Variants in GRIK4 observed in about 807,000 individuals in gnomAD.
GRIK4 encodes the protein glutamate ionotropic receptor kainate type subunit 4, also known as glutamate receptor ionotropic, kainate 4.
In GRIK4, 40 loss-of-function variants were observed where a neutral mutation model predicts 104.9. The ratio of observed to expected loss-of-function variants is 0.38; its 90% CI spans 0.30 to 0.50. GRIK4 has a LOEUF of 0.50. Ranked by LOEUF, GRIK4 falls within the 20% of genes least tolerant of loss-of-function variation. The pLI is 0.93. For synonymous variants in GRIK4, 485 were observed against 524.9 expected, an observed-to-expected ratio of 0.92 and a Z score of 1.04; for missense variants, 1,047 against 1,308.1, an observed-to-expected ratio of 0.80 and a Z score of 3.08.
chr11:120,875,009 G>A (rs1401138889), intron 10 of GRIK4, 130 bp from the exon 11 acceptor site: 8 of 660,120 alleles, frequency 1.2e-5, no homozygotes, highest in Non-Finnish European at 1.9e-5. Flanking sequence ...GCTGTGTGTG[G>A]GCAGGAGAAG....
At chr11:120,863,532 G>A (rs1257824905) in intron 9 of GRIK4, among the ~76,000 whole-genome samples, 2 of 152,166 alleles carry the variant, frequency 1.3e-5, no homozygotes, top group Non-Finnish European at 2.9e-5. Flanking sequence ...TTTGTTGAAT[G>A]AATGAGTGAG....
chr11:120,946,156 A>T (rs1212659924), intron 14 of GRIK4, among the ~76,000 whole-genome samples: 1 of 152,206 alleles, frequency 6.6e-6, no homozygotes, highest in African/African-American at 2.4e-5. Context: ...TTTCTATTTG[A>T]CGTTAGAGTA....
chr11:120,862,531 C>T (rs532784037), intron 9 of GRIK4, among the ~76,000 whole-genome samples: 10 of 152,230 alleles, frequency 6.6e-5, no homozygotes, highest in African/African-American at 1.9e-4. Flanking sequence ...ATGTGGGGGT[C>T]TTGTTCAAGG....
At chr11:120,545,915 G>C (rs1247944344) in intron 1 of GRIK4, among the ~76,000 whole-genome samples, 1 of 152,198 alleles carries the variant, frequency 6.6e-6, no homozygotes, top group African/African-American at 2.4e-5. Flanking sequence ...TTTTCAGACA[G>C]AGCCAAGGGT....
Position 120,956,042 on chromosome 11 carries a change from C to G in GRIK4, c.1701-738C>G, listed in dbSNP as rs1944139081. Among the ~76,000 whole-genome samples the G allele has an allele frequency of 6.6e-6, 1 of 152,082 alleles. No individual in the cohort carries two copies. Among genetic ancestry groups the G allele is most frequent in the Non-Finnish European group, 1.5e-5 (1 of 68,002 alleles). ...ACCGGCTTGGTGGTTCTGAGGTAGGCTAAGGCTGGAGGGCCACTGCTCTAG... is the reference window on the plus strand; with the variant it reads ...ACCGGCTTGGTGGTTCTGAGGTAGGGTAAGGCTGGAGGGCCACTGCTCTAG... On this transcript the variant is annotated intron_variant, in intron 15 of 20. Transcript: ENST00000527524. This position sits in a 1 kb window ranked among gnomAD's most constrained non-coding sequence, Gnocchi z 4.6.
At chr11:120,843,305 G>C (rs956143617) in intron 8 of GRIK4, among the ~76,000 whole-genome samples, 2 of 152,234 alleles carry the variant, frequency 1.3e-5, no homozygotes, top group African/African-American at 4.8e-5. Context: ...CTATTTGTGG[G>C]GTGTCAACAG....
chr11:120,888,271 A>G (rs1417039322), intron 11 of GRIK4, among the ~76,000 whole-genome samples: 1 of 152,050 alleles, frequency 6.6e-6, no homozygotes, highest in Non-Finnish European at 1.5e-5. Context: ...ATCTATATCT[A>G]TCTAGTAGCA....
intron 1 of GRIK4, among the ~76,000 whole-genome samples, chr11:120,554,622 G>T (rs1407464999): frequency 1.3e-5 from 2 of 151,470 alleles, no homozygotes; most frequent in African/African-American, 4.9e-5. Context: ...TCAGTGGCGC[G>T]ATCTCTGCTC....
At chr11:120,921,661 C>T (rs898596178) in intron 13 of GRIK4, among the ~76,000 whole-genome samples, 2 of 152,152 alleles carry the variant, frequency 1.3e-5, no homozygotes, top group Admixed American at 6.5e-5. Flanking sequence ...CCACTGCATG[C>T]GCGGCCCCAT....
intron 3 of GRIK4, among the ~76,000 whole-genome samples, chr11:120,699,939 CT>C (rs1350078441): frequency 1.3e-5 from 2 of 152,154 alleles, no homozygotes; most frequent in Non-Finnish European, 2.9e-5. Flanking sequence ...CACAGGGGTT[CT>C]TTAGGGTAAA....
At chr11:120,809,472 T>C (rs1011759293) in intron 4 of GRIK4, among the ~76,000 whole-genome samples, 6 of 152,172 alleles carry the variant, frequency 3.9e-5, no homozygotes, top group African/African-American at 1.4e-4. Flanking sequence ...GCACCCTTCA[T>C]AGGGAACGAA....
chr11:120,675,322 C>T (rs959299978), intron 3 of GRIK4, among the ~76,000 whole-genome samples: 12 of 152,268 alleles, frequency 7.9e-5, no homozygotes, highest in African/African-American at 2.9e-4. Context: ...GGTGGGACTC[C>T]CTTCTGGGTC....
chr11:120,888,021 T>A (rs1436768883), intron 11 of GRIK4, among the ~76,000 whole-genome samples: 1 of 152,094 alleles, frequency 6.6e-6, no homozygotes, highest in African/African-American at 2.4e-5. Flanking sequence ...GAACTCCCAC[T>A]CTGCTTATTT....
At chr11:120,646,657 C>G (rs1472016376) in intron 1 of GRIK4, among the ~76,000 whole-genome samples, 1 of 152,072 alleles carries the variant, frequency 6.6e-6, no homozygotes, top group Non-Finnish European at 1.5e-5. Context: ...AAACATTGTC[C>G]TAGGTGTTTT....
intron 3 of GRIK4, among the ~76,000 whole-genome samples, chr11:120,754,834 ATCTG>A (rs1317021410): frequency 6.6e-6 from 1 of 152,008 alleles, no homozygotes; most frequent in Non-Finnish European, 1.5e-5. Context: ...ATCTTTGGAG[ATCTG>A]TCTGTTCAGA....
At chr11:120,617,484 A>G (rs1251126791) in intron 1 of GRIK4, among the ~76,000 whole-genome samples, 1 of 151,996 alleles carries the variant, frequency 6.6e-6, no homozygotes, top group African/African-American at 2.4e-5. Context: ...GGCCCAAGTG[A>G]TCCTCCCATC....
At chr11:120,810,692 A>C (rs1952811757) in intron 4 of GRIK4, among the ~76,000 whole-genome samples, 1 of 152,242 alleles carries the variant, frequency 6.6e-6, no homozygotes. Context: ...TATGGAAACC[A>C]GCTATATGGA....
intron 3 of GRIK4, among the ~76,000 whole-genome samples, chr11:120,682,370 A>G (rs1950207635): frequency 6.6e-6 from 1 of 152,210 alleles, no homozygotes; most frequent in Non-Finnish European, 1.5e-5. Context: ...CTGGGTCCCC[A>G]GGAGAGTCCT....
At chr11:120,927,177 A>C (rs1480373400) in intron 13 of GRIK4, among the ~76,000 whole-genome samples, 1 of 90,768 alleles carries the variant, frequency 1.1e-5, no homozygotes, top group African/African-American at 2.7e-5. Flanking sequence ...CACGGTAAGG[A>C]GTTGGGTCTT....
Sources: allele counts gnomAD v4.1 joint callset (sites outside exome capture counted in the v4.1 genomes callset), GRCh38; gene constraint gnomAD v4.1.1; non-coding constraint Gnocchi (gnomAD v3.1); transcripts MANE v1.5; gene names NCBI Gene and HGNC (gene_info 2026-07-23, HGNC 2026-07-21).